RIN2: variants seen among roughly 807,000 people sequenced by gnomAD.
The protein encoded by RIN2 is Ras and Rab interactor 2, also known as RAB5 interacting protein 2.
RIN2 carries 36 observed loss-of-function variants against 78.0 expected under a neutral mutation model. The observed-to-expected ratio is 0.46, with a 90% CI of 0.35 to 0.61. The LOEUF (loss-of-function observed/expected upper bound fraction) is 0.61, where lower values mean the gene tolerates loss of function less well. RIN2 is among the 20% of genes least tolerant of loss of function. The pLI is 0.00. For synonymous variants in RIN2, 466 were observed against 466.8 expected (o/e 1.00, Z 0.02); for missense variants, 1,087 against 1,159.7 (o/e 0.94, Z 0.91).
At chr20:19,902,096 T>G (rs962038852) in intron 3 of RIN2, among the ~76,000 whole-genome samples, 1 of 151,958 alleles carries the variant, frequency 6.6e-6, no homozygotes, top group Non-Finnish European at 1.5e-5. Flanking sequence ...AACCATTAAC[T>G]TATTTAATCC....
At chr20:19,810,158 G>C (rs1322928490) in intron 2 of RIN2, among the ~76,000 whole-genome samples, 2 of 151,934 alleles carry the variant, frequency 1.3e-5, no homozygotes, top group African/African-American at 4.8e-5. Context: ...CAGCACTTTG[G>C]GAGGCCAAGG....
intron 12 of RIN2, 85 bp from the exon 13 acceptor site, chr20:20,000,528 C>T (rs1449704495): frequency 5.4e-6 from 6 of 1,101,236 alleles, no homozygotes; most frequent in Non-Finnish European, 6.6e-6. Flanking sequence ...AAATGGCTTA[C>T]AGTTACCCCC....
intron 2 of RIN2, among the ~76,000 whole-genome samples, chr20:19,831,042 C>T (rs1449658054): frequency 1.3e-5 from 2 of 152,200 alleles, no homozygotes; most frequent in Non-Finnish European, 2.9e-5. Flanking sequence ...ACCCTAAACT[C>T]TGTCTCCAAG....
At chr20:19,950,698 G>A (rs1445533707) in intron 4 of RIN2, among the ~76,000 whole-genome samples, 2 of 151,808 alleles carry the variant, frequency 1.3e-5, no homozygotes, top group African/African-American at 4.8e-5. Context: ...CACACTTAAG[G>A]AAATTCTCCA....
Position 19,804,456 on chromosome 20 carries a change from C to T in RIN2, c.-37+4709C>T, listed in dbSNP as rs538267004. ...CCTTTTCTACATCTATTGAGATAAT[C>T]ATGTGGTTTTTATCTTTAGTTCTGT... On this transcript the variant is annotated intron_variant, in intron 2 of 12. Coordinates refer to ENST00000255006, the MANE Select transcript of RIN2 (RefSeq NM_018993.4). 3.3e-5 allele frequency among the ~76,000 whole-genome samples: 5 copies of T among 152,238 alleles called. No individual in the cohort carries two copies. The South Asian group carries it at 1.0e-3, about 32-fold the overall frequency.
intron 2 of RIN2, among the ~76,000 whole-genome samples, chr20:19,828,048 T>A (rs6136853): frequency 0.57 from 86,128 of 151,786 alleles, 24,941 homozygotes; most frequent in African/African-American, 0.66. Context: ...AGGTGCAGAC[T>A]CACCTGCTTG....
At chr20:19,835,203 C>T (rs2036386406) in intron 2 of RIN2, among the ~76,000 whole-genome samples, 1 of 152,040 alleles carries the variant, frequency 6.6e-6, no homozygotes, top group Admixed American at 6.6e-5. Flanking sequence ...GACTAACTCC[C>T]ACATTGCATC....
intron 12 of RIN2, 81 bp downstream of exon 12, chr20:19,996,923 G>A: frequency 7.3e-7 from 1 of 1,372,126 alleles, no homozygotes; most frequent in Non-Finnish European, 9.9e-7. Context: ...CAGCTCAGAG[G>A]TCCCCACTGT....
At chr20:19,797,445 T>C (rs970520975) in intron 1 of RIN2, among the ~76,000 whole-genome samples, 1 of 152,236 alleles carries the variant, frequency 6.6e-6, no homozygotes, top group Non-Finnish European at 1.5e-5. Flanking sequence ...ATAGGCCATT[T>C]ACACCTAGTT....
At chr20:19,800,731 C>G (rs4814899) in intron 2 of RIN2, among the ~76,000 whole-genome samples, 2,854 of 152,344 alleles carry the variant, frequency 0.019, 102 homozygotes, top group East Asian at 0.14. Flanking sequence ...CCCTGCTGAT[C>G]CCTGCTCCTA....
chr20:19,918,206 C>T (rs907137821), intron 3 of RIN2, among the ~76,000 whole-genome samples: 29 of 151,992 alleles, frequency 1.9e-4, no homozygotes, highest in Non-Finnish European at 1.6e-4. Context: ...GAAACCTGCT[C>T]GTCTATTTTA....
At chr20:19,768,687 G>A (rs368876388) in intron 1 of RIN2, among the ~76,000 whole-genome samples, 3 of 152,144 alleles carry the variant, frequency 2.0e-5, no homozygotes, top group South Asian at 2.1e-4. Flanking sequence ...CCTCCTGATC[G>A]TATGAGGAGC....
intron 3 of RIN2, among the ~76,000 whole-genome samples, chr20:19,920,736 C>T (rs1328299390): frequency 2.0e-5 from 3 of 152,192 alleles, no homozygotes; most frequent in African/African-American, 7.2e-5. Flanking sequence ...AGCACAGTGG[C>T]GTGATCATGG....
In RIN2 at chr20:19,956,597, C is replaced by A; in HGVS notation, c.159-18C>A. 1.2e-6 allele frequency: 2 copies of A among 1,610,140 alleles called. No individual in the cohort carries two copies. Among genetic ancestry groups the A allele is most frequent in the Non-Finnish European group, 1.7e-6 (2 of 1,178,176 alleles). On this transcript the variant is annotated intron_variant, in intron 4 of 12. Coordinates refer to ENST00000255006, the MANE Select transcript of RIN2 (RefSeq NM_018993.4). Reference sequence around the variant, plus strand: ...TGGTACTGCAGCCAGCTGACCGTGCCGCTTCTCTTTCTCCTAGCATGGTAA... The same window carrying A: ...TGGTACTGCAGCCAGCTGACCGTGCAGCTTCTCTTTCTCCTAGCATGGTAA...
At chr20:19,833,296 T>G (rs144577464) in intron 2 of RIN2, among the ~76,000 whole-genome samples, 1,887 of 152,140 alleles carry the variant, frequency 0.012, 20 homozygotes, top group Middle Eastern at 0.037. Flanking sequence ...TATATATATA[T>G]TTTAACTTTA....
chr20:19,865,559 C>T (rs902167347), intron 2 of RIN2, among the ~76,000 whole-genome samples: 2 of 148,190 alleles, frequency 1.3e-5, no homozygotes, highest in African/African-American at 5.0e-5. Flanking sequence ...GCAATCATGG[C>T]TCACTGCAGC....
chr20:19,961,128 C>T (rs1333233543), intron 6 of RIN2, among the ~76,000 whole-genome samples: 2 of 152,208 alleles, frequency 1.3e-5, no homozygotes. Context: ...GAATTCAGTT[C>T]CCAGGTTTGC....
intron 5 of RIN2, among the ~76,000 whole-genome samples, chr20:19,958,463 C>T (rs974399385): frequency 1.3e-5 from 2 of 152,384 alleles, no homozygotes; most frequent in South Asian, 4.1e-4. Context: ...ACAAGCCAGG[C>T]ATGTTCTCTC....
At chr20:19,840,353 G>T (rs1215125123) in intron 2 of RIN2, among the ~76,000 whole-genome samples, 3 of 152,216 alleles carry the variant, frequency 2.0e-5, no homozygotes, top group African/African-American at 7.2e-5. Context: ...GCAGTTTGCG[G>T]TTGGTTGGTT....
Sources: allele counts gnomAD v4.1 joint callset (sites outside exome capture counted in the v4.1 genomes callset), GRCh38; gene constraint gnomAD v4.1.1; transcripts MANE v1.5; gene names NCBI Gene and HGNC (gene_info 2026-07-23, HGNC 2026-07-21).